ACMSD: variants seen among roughly 807,000 people sequenced by gnomAD.
ACMSD encodes the protein aminocarboxymuconate semialdehyde decarboxylase.
Under a neutral mutation model 45.9 loss-of-function variants are expected in ACMSD, and 37 were observed. That is an observed-to-expected ratio of 0.81 (90% CI 0.62 to 1.06). The LOEUF is 1.06. Among genes scored for constraint, ACMSD ranks in the 50% least tolerant of loss-of-function variants. ACMSD has a pLI of 0.00. For missense variants in ACMSD, 434 were observed against 420.9 expected (o/e 1.03, Z -0.27); for synonymous variants, 138 against 148.8 (o/e 0.93, Z 0.53).
chr2:134,881,201 A>T (rs1332648323), intron 8 of ACMSD, among the ~76,000 whole-genome samples: 1 of 152,144 alleles, frequency 6.6e-6, no homozygotes, highest in East Asian at 1.9e-4. Context: ...TGGTTTCGCC[A>T]TGTTGGCCAG....
intron 8 of ACMSD, among the ~76,000 whole-genome samples, chr2:134,884,932 A>G (rs928949971): frequency 6.6e-6 from 1 of 151,856 alleles, no homozygotes; most frequent in Admixed American, 6.6e-5. Flanking sequence ...ACAGTGGCTC[A>G]AGCCAGTAAT....
chr2:134,891,854 TAAAG>T (rs993345907), intron 8 of ACMSD, among the ~76,000 whole-genome samples: 2 of 152,174 alleles, frequency 1.3e-5, no homozygotes, highest in Non-Finnish European at 2.9e-5. Context: ...AATGACTGGA[TAAAG>T]AAACTGTCAT....
At chr2:134,878,651 C>T (rs561559818) in intron 8 of ACMSD, among the ~76,000 whole-genome samples, 21 of 152,320 alleles carry the variant, frequency 1.4e-4, no homozygotes, top group Non-Finnish European at 2.5e-4. Context: ...GTTGCTTCTA[C>T]ATTCTCAGTC....
At chr2:134,854,281 C>CAGTGTTCTTA (rs899238802) in intron 2 of ACMSD, among the ~76,000 whole-genome samples, 4 of 152,174 alleles carry the variant, frequency 2.6e-5, no homozygotes, top group African/African-American at 9.7e-5. Context: ...CTTTATCACT[C>CAGTGTTCTTA]AGTGTTCTTA....
chr2:134,867,335 C>T (rs1043912841), intron 5 of ACMSD: 1 of 307,786 alleles, frequency 3.2e-6, no homozygotes. Flanking sequence ...ATATTAAGTT[C>T]ATCAACCTCA....
chr2:134,840,189 A>AC lies in ACMSD; in HGVS notation c.57+1450_57+1451insC, dbSNP rs1479071271. 3.8e-5 allele frequency among the ~76,000 whole-genome samples: 5 copies of AC among 132,626 alleles called. No homozygotes were observed. The East Asian group carries it at 1.2e-3, about 33-fold the overall frequency. 87.0% of individuals were successfully genotyped at this position (132,626 alleles called of 152,430 possible). A position where few individuals can be genotyped will look rare whatever the true frequency, so the allele number is the denominator to read the frequency against. ...TAGCAAAAAAAAAAAAAAAAAAAAA[A>AC]AAAACCACTAATTCCTCTGTTACAG... On this transcript the variant is annotated intron_variant, in intron 1 of 9. Coordinates refer to ENST00000356140, the MANE Select transcript of ACMSD (RefSeq NM_138326.3).
intron 2 of ACMSD, among the ~76,000 whole-genome samples, chr2:134,845,508 G>GTTCTCTCTCTCTCTCT: frequency 1.2e-5 from 1 of 80,996 alleles, no homozygotes; most frequent in Non-Finnish European, 2.3e-5. Context: ...CACATTAAAA[G>GTTCTCTCTCTCTCTCT]GTCTCTCTCT....
intron 8 of ACMSD, among the ~76,000 whole-genome samples, chr2:134,880,453 C>A (rs1381280235): frequency 6.6e-6 from 1 of 152,020 alleles, no homozygotes; most frequent in African/African-American, 2.4e-5. Context: ...AAAGTAGAAC[C>A]TATTTTTGTT....
chr2:134,862,731 C>T (rs547133941), intron 4 of ACMSD, among the ~76,000 whole-genome samples: 101 of 152,282 alleles, frequency 6.6e-4, no homozygotes, highest in African/African-American at 2.2e-3. Flanking sequence ...CCTCAAAATG[C>T]CTGAATTTAT....
intron 9 of ACMSD, among the ~76,000 whole-genome samples, chr2:134,900,478 C>T (rs1265971219): frequency 4.6e-5 from 7 of 152,146 alleles, no homozygotes. Flanking sequence ...AGTAGTAATG[C>T]TGGCAATTCA....
intron 2 of ACMSD, among the ~76,000 whole-genome samples, chr2:134,854,398 A>G (rs1307268413): frequency 6.6e-6 from 1 of 152,228 alleles, no homozygotes; most frequent in Non-Finnish European, 1.5e-5. Context: ...AACATGATCA[A>G]TGCCCACATT....
intron 2 of ACMSD, among the ~76,000 whole-genome samples, chr2:134,853,748 G>A (rs1213889341): frequency 6.6e-6 from 1 of 152,084 alleles, no homozygotes; most frequent in Non-Finnish European, 1.5e-5. Context: ...TACGGGCACA[G>A]CTGCTCTGCA....
chr2:134,855,811 A>G (rs954380997), intron 2 of ACMSD, among the ~76,000 whole-genome samples: 3 of 152,248 alleles, frequency 2.0e-5, no homozygotes, highest in African/African-American at 7.2e-5. Context: ...AGACTTCTTC[A>G]TGCAGGAGAT....
At chr2:134,854,460 G>A (rs1220028578) in intron 2 of ACMSD, among the ~76,000 whole-genome samples, 1 of 152,202 alleles carries the variant, frequency 6.6e-6, no homozygotes, top group Non-Finnish European at 1.5e-5. Flanking sequence ...TCCCAGTCAT[G>A]GACAGGATGC....
intron 2 of ACMSD, among the ~76,000 whole-genome samples, chr2:134,851,769 C>T (rs1456762726): frequency 2.6e-5 from 4 of 152,138 alleles, no homozygotes; most frequent in African/African-American, 9.7e-5. Flanking sequence ...GCAGCCTCAC[C>T]AGCATCTGTT....
At chr2:134,884,393 T>G (rs1297961309) in intron 8 of ACMSD, among the ~76,000 whole-genome samples, 1 of 152,178 alleles carries the variant, frequency 6.6e-6, no homozygotes, top group Non-Finnish European at 1.5e-5. Flanking sequence ...TAAAATATAT[T>G]TATATCCAAG....
chr2:134,842,255 T>C (rs1450630463), intron 1 of ACMSD, among the ~76,000 whole-genome samples: 1 of 152,128 alleles, frequency 6.6e-6, no homozygotes, highest in Non-Finnish European at 1.5e-5. Flanking sequence ...ACTGCGGGGC[T>C]ACATCAAGCA....
At chr2:134,897,269 T>C (rs1690211996) in intron 8 of ACMSD, among the ~76,000 whole-genome samples, 1 of 152,138 alleles carries the variant, frequency 6.6e-6, no homozygotes, top group Admixed American at 6.5e-5. Flanking sequence ...TATACAAACA[T>C]ATATTTGTGG....
At chr2:134,866,787 T>C (rs899517336) in intron 5 of ACMSD, among the ~76,000 whole-genome samples, 3 of 152,230 alleles carry the variant, frequency 2.0e-5, no homozygotes, top group African/African-American at 7.2e-5. Context: ...AATTAAACTT[T>C]TTGTTGCATA....
Sources: gnomAD v4.1 joint callset for allele counts (sites outside exome capture counted in the v4.1 genomes callset) on GRCh38, gnomAD v4.1.1 for gene constraint, MANE v1.5 for transcripts, NCBI Gene and HGNC (gene_info 2026-07-23, HGNC 2026-07-21) for gene names.